Variants in LAMA5 observed in about 807,000 individuals in gnomAD.
LAMA5 encodes laminin subunit alpha-5.
A neutral mutation model predicts 433.4 loss-of-function variants in LAMA5; 260 were observed. That is an observed-to-expected ratio of 0.60 (90% CI 0.54 to 0.66). LAMA5 has a LOEUF of 0.66. Among genes scored for constraint, LAMA5 ranks in the 30% least tolerant of loss-of-function variants. The pLI, the probability that LAMA5 is intolerant of heterozygous loss-of-function variation, is 0.00. For synonymous variants in LAMA5, 2,620 were observed against 2,226.6 expected (o/e 1.18, Z -4.97); for missense variants, 5,378 against 5,258.5 (o/e 1.02, Z -0.70).
In LAMA5 at chr20:62,336,765, C is replaced by T. The variant is rs745963258; in HGVS notation, c.2186G>A (p.Gly729Asp). Residue 729 changes from glycine (G) to aspartate (D), a missense_variant, in exon 17 of 80, where the codon GGT becomes GAT. Coordinates refer to ENST00000252999, the MANE Select transcript of LAMA5 (RefSeq NM_005560.6). ...AAGGGCAGGATCCACTGGGGCCAGA[C>T]CGGCAGGGTGGCAAGAGCCAGCTGT... Reference protein sequence around the residue: ...YCEAGSCHPAGLAPVDPALPE... With the variant: ...YCEAGSCHPADLAPVDPALPE... 1 of 1,612,822 alleles carries T rather than the reference C, an allele frequency of 6.2e-7. No homozygotes were observed. Among genetic ancestry groups the T allele is most frequent in the Non-Finnish European group, 8.5e-7 (1 of 1,179,982 alleles).
At chr20:62,325,617 C>T in intron 40 of LAMA5, 71 bp from the exon 41 acceptor site, 1 of 1,049,454 alleles carries the variant, frequency 9.5e-7, no homozygotes, top group Non-Finnish European at 1.4e-6. Flanking sequence ...AGAACAGACC[C>T]CCCAACCCTG....
chr20:62,312,746 C>T lies in LAMA5; in HGVS notation c.9113G>A (p.Arg3038His), dbSNP rs1428897495. The T allele has an allele frequency of 5.7e-6, 9 of 1,591,488 alleles. No homozygotes were observed. The highest frequency in any genetic ancestry group is 1.1e-5 in the South Asian group (1 of 88,640). Residue 3038 changes from arginine to histidine, a missense_variant, in exon 67 of 80, where the codon CGT becomes CAT. Arg to His is a conservative substitution (Grantham distance 29, BLOSUM62 0). Coordinates refer to ENST00000252999, the MANE Select transcript of LAMA5 (RefSeq NM_005560.6). ...QVFLLGGSRK[R>H]VLVRVERATV... is the part of the protein sequence containing the mutation. The stretch of plus-strand genomic sequence containing the variant: ...GGCCCGCTCCACACGCACCAGCACA[C>T]GCTTGCGGCTGCCCCCCAGCAGGAA...
intron 35 of LAMA5, 108 bp downstream of exon 35, chr20:62,328,133 C>A: frequency 6.6e-7 from 1 of 1,515,642 alleles, no homozygotes; most frequent in Non-Finnish European, 8.9e-7. Context: ...CGCTGCTGCA[C>A]CCAGGGAGCA....
At chr20:62,331,156 A>AGGCAGAGGG in intron 28 of LAMA5, 27 bp from the exon 29 acceptor site, 1 of 1,449,004 alleles carries the variant, frequency 6.9e-7, no homozygotes, top group South Asian at 1.3e-5. Context: ...GAGATGCTGC[A>AGGCAGAGGG]ACGCCCGTGG....
Position 62,338,133 on chromosome 20 carries a change from C to A in LAMA5, c.1774G>T (p.Ala592Ser), listed in dbSNP as rs145767600. The stretch of plus-strand genomic sequence containing the variant: ...TCGCAGCCCTCGGGCAAGGTTCCTG[C>A]AGGGCTGCAGCCACACACTGCAGAG... ...PLCQLCGCSPAGTLPEGCDEA... is the reference protein window; with the variant it reads ...PLCQLCGCSPSGTLPEGCDEA... The change falls in exon 14 of 80, where the codon GCA (alanine) becomes TCA (serine). Residue 592 changes from alanine to serine, a missense_variant. Physicochemically the swap from Ala to Ser is moderately conservative, Grantham distance 99 (BLOSUM62 1). Coordinates refer to ENST00000252999, the MANE Select transcript of LAMA5 (RefSeq NM_005560.6). 59 of 1,587,756 alleles carry A rather than the reference C, an allele frequency of 3.7e-5. No homozygotes were observed. In the African/African-American group the frequency reaches 7.4e-4, roughly 20 times the overall value.
At chr20:62,351,524 G>A (rs930452489) in intron 6 of LAMA5, among the ~76,000 whole-genome samples, 180 bp downstream of exon 6, 1 of 149,678 alleles carries the variant, frequency 6.7e-6, no homozygotes, top group Admixed American at 6.6e-5. Context: ...CCACATCACT[G>A]CACAGATGAG....
intron 31 of LAMA5, 28 bp from the exon 32 acceptor site, chr20:62,329,944 G>T: frequency 1.2e-6 from 2 of 1,605,160 alleles, no homozygotes; most frequent in East Asian, 2.2e-5. Flanking sequence ...GCAGGGTCAG[G>T]CCCCCATCTC....
intron 6 of LAMA5, among the ~76,000 whole-genome samples, chr20:62,350,490 C>A (rs1473467467): frequency 6.6e-6 from 1 of 152,210 alleles, no homozygotes; most frequent in Non-Finnish European, 1.5e-5. Context: ...GGGAGTGAAC[C>A]TTTGTCCTGT....
At chr20:62,343,193 C>CA (rs1324926046) in intron 11 of LAMA5, among the ~76,000 whole-genome samples, 1 of 152,218 alleles carries the variant, frequency 6.6e-6, no homozygotes, top group Non-Finnish European at 1.5e-5. Context: ...ACACGGCCCT[C>CA]AGTCTATGAC....
intron 51 of LAMA5, 28 bp from the exon 52 acceptor site, chr20:62,319,041 G>T: frequency 6.6e-7 from 1 of 1,514,846 alleles, no homozygotes; most frequent in Non-Finnish European, 8.8e-7. Flanking sequence ...GTCAGAGCCT[G>T]GGGCCGCCCG....
intron 45 of LAMA5, among the ~76,000 whole-genome samples, chr20:62,323,078 G>T (rs1376803258): frequency 2.4e-5 from 2 of 82,522 alleles, no homozygotes; most frequent in Admixed American, 1.2e-4. Context: ...ATCGTGAGGT[G>T]GGGGGGGCGC....
intron 6 of LAMA5, among the ~76,000 whole-genome samples, chr20:62,349,268 C>T (rs1278129671): frequency 1.0e-4 from 3 of 29,622 alleles, no homozygotes; most frequent in Non-Finnish European, 2.3e-4. Context: ...GAGACTCCAT[C>T]TCAAAAAAAA....
chr20:62,322,697 G>A lies in LAMA5; in HGVS notation c.6126C>T (p.Cys2042=). 1 of 1,546,234 alleles carries A rather than the reference G, an allele frequency of 6.5e-7. No individual in the cohort carries two copies. The highest frequency in any genetic ancestry group is 1.2e-5 in the South Asian group (1 of 84,054). The change falls in exon 46 of 80, where the codon TGC becomes TGT. Residue 2042 remains cysteine (C), a synonymous_variant. Transcript: ENST00000252999. The stretch of plus-strand genomic sequence containing the variant: ...AGCGCCGCCCAGTCACGCCCGCCTT[G>A]CACAGGCAGTGCCCGCTGTGGGGGT... ...ACDPHSGHCL[C]KAGVTGRRCD...
intron 3 of LAMA5, 30 bp from the exon 4 acceptor site, chr20:62,352,390 TG>T (rs1984485893): frequency 6.4e-7 from 1 of 1,555,520 alleles, no homozygotes. Flanking sequence ...GGGAGGGCGC[TG>T]GATCACCAGA....
intron 50 of LAMA5, 84 bp downstream of exon 50, chr20:62,320,475 A>G (rs1987564613): frequency 2.8e-5 from 29 of 1,025,950 alleles, no homozygotes; most frequent in African/African-American, 4.8e-5. Context: ...GGCATGAAGT[A>G]ACATCTGCTG....
chr20:62,325,953 G>A (rs1453311190), intron 40 of LAMA5, among the ~76,000 whole-genome samples: 3 of 152,210 alleles, frequency 2.0e-5, no homozygotes, highest in Non-Finnish European at 4.4e-5. Context: ...GGGTGTGGTG[G>A]CTCATGCCTG....
intron 17 of LAMA5, 58 bp from the exon 18 acceptor site, chr20:62,336,503 C>T: frequency 7.1e-7 from 1 of 1,408,830 alleles, no homozygotes. Context: ...ACCCACAAAC[C>T]ATAGAGCCAT....
Position 62,333,660 on chromosome 20 carries a change from A to T in LAMA5, c.2925T>A (p.Pro975=). The T allele has an allele frequency of 6.3e-7, 1 of 1,594,426 alleles. No individual in the cohort carries two copies. Among genetic ancestry groups the T allele is most frequent in the South Asian group, 1.1e-5 (1 of 87,474 alleles). ...QPVAFPPSTE[P]AFITVPQRGF... Reference sequence around the variant, plus strand: ...CCCTCTGGGGCACGGTGATGAAGGCAGGCTCCGTGCTGGGTGGGAAGGCCA... The same window carrying T: ...CCCTCTGGGGCACGGTGATGAAGGCTGGCTCCGTGCTGGGTGGGAAGGCCA... Residue 975 remains proline (P), a synonymous_variant, in exon 24 of 80, where the codon CCT becomes CCA. Coordinates refer to ENST00000252999, the MANE Select transcript of LAMA5 (RefSeq NM_005560.6).
Position 62,320,811 on chromosome 20 carries a change from C to T in LAMA5, c.6576G>A (p.Leu2192=), listed in dbSNP as rs376856312. The change falls in exon 49 of 80, where the codon CTG becomes CTA. Residue 2192 remains leucine (L), a synonymous_variant. Coordinates refer to ENST00000252999, the MANE Select transcript of LAMA5 (RefSeq NM_005560.6). ...GALLPAIHEQ[L]RGINASSMAW... ...CCATGGAGCTGGCATTGATGCCACG[C>T]AGTTGCTCGTGAATGGCGGGGAGGA... 34 of 1,612,562 alleles carry T rather than the reference C, an allele frequency of 2.1e-5. No individual in the cohort carries two copies. Among genetic ancestry groups the T allele is most frequent in the Admixed American group, 3.3e-5 (2 of 59,956 alleles).
Sources: gnomAD v4.1 joint callset for allele counts (sites outside exome capture counted in the v4.1 genomes callset) on GRCh38, gnomAD v4.1.1 for gene constraint, MANE v1.5 for transcripts, NCBI Gene and HGNC (gene_info 2026-07-23, HGNC 2026-07-21) for gene names.